Variants in MAP4 observed in about 807,000 individuals in gnomAD.
MAP4 encodes the protein microtubule-associated protein 4.
MAP4 carries 76 observed loss-of-function variants against 170.2 expected under a neutral mutation model. The ratio of observed to expected loss-of-function variants is 0.45; its 90% CI spans 0.37 to 0.54. The LOEUF (loss-of-function observed/expected upper bound fraction) is 0.54, where lower values mean the gene tolerates loss of function less well. Ranked by LOEUF, MAP4 falls within the 20% of genes least tolerant of loss-of-function variation. The probability of loss-of-function intolerance (pLI) is 0.00; values close to 1 mark genes in which losing one functional copy is unlikely to be tolerated. For missense variants in MAP4, 2,506 were observed against 2,748.0 expected, an observed-to-expected ratio of 0.91 and a Z score of 1.97; for synonymous variants, 909 against 994.5, an observed-to-expected ratio of 0.91 and a Z score of 1.62.
intron 2 of MAP4, among the ~76,000 whole-genome samples, chr3:47,994,148 T>C (rs1438401241): frequency 6.6e-6 from 1 of 152,158 alleles, no homozygotes. Flanking sequence ...TTCATTTTTC[T>C]TCATTTAATA....
chr3:47,857,546 A>G (rs2058657122), intron 17 of MAP4, 34 bp from the exon 18 acceptor site: 28 of 1,486,820 alleles, frequency 1.9e-5, no homozygotes, highest in Non-Finnish European at 2.5e-5. Flanking sequence ...TCATTCAGAG[A>G]GAAGGTATAC....
chr3:48,045,123 T>C (rs1276016797), intron 1 of MAP4, among the ~76,000 whole-genome samples: 2 of 150,814 alleles, frequency 1.3e-5, no homozygotes, highest in African/African-American at 4.9e-5. Flanking sequence ...TCAGGCATGG[T>C]GGTGCATGCC....
chr3:47,892,666 T>TGAAA (rs546648833), intron 10 of MAP4: 135 of 1,359,638 alleles, frequency 9.9e-5, no homozygotes, highest in East Asian at 3.3e-4. Flanking sequence ...CTTACAAATG[T>TGAAA]GAAAGAAAGA....
intron 5 of MAP4, 23 bp from the exon 6 acceptor site, chr3:47,918,864 T>TA (rs746373830): frequency 3.4e-5 from 54 of 1,597,244 alleles, no homozygotes; most frequent in Non-Finnish European, 4.6e-5. Context: ...CACAAACAAA[T>TA]ACATTTTGAA....
intron 1 of MAP4, among the ~76,000 whole-genome samples, chr3:48,054,065 A>C (rs1007055718): frequency 1.3e-5 from 2 of 151,812 alleles, no homozygotes; most frequent in Admixed American, 1.3e-4. Flanking sequence ...AAACTTTGGA[A>C]GGCCGAGGCA....
chr3:47,881,069 T>C (rs919899324), intron 10 of MAP4, among the ~76,000 whole-genome samples: 2 of 152,326 alleles, frequency 1.3e-5, no homozygotes, highest in South Asian at 2.1e-4. Context: ...TTGGTGTGTA[T>C]ACATTTAGAA....
chr3:47,919,642 G>T (rs923160723), intron 5 of MAP4, among the ~76,000 whole-genome samples: 1 of 152,170 alleles, frequency 6.6e-6, no homozygotes, highest in Non-Finnish European at 1.5e-5. Flanking sequence ...AAACACTGCT[G>T]ACATTCTTCA....
At chr3:47,989,899 A>C (rs896363472) in intron 2 of MAP4, among the ~76,000 whole-genome samples, 1 of 151,942 alleles carries the variant, frequency 6.6e-6, no homozygotes, top group Non-Finnish European at 1.5e-5. Flanking sequence ...CGAAAATAGC[A>C]CACTTTTTTT....
At chr3:47,924,628 C>A (rs926686169) in intron 4 of MAP4, among the ~76,000 whole-genome samples, 1 of 152,136 alleles carries the variant, frequency 6.6e-6, no homozygotes, top group African/African-American at 2.4e-5. Flanking sequence ...CACAAGGTTG[C>A]AGTCCAGCGG....
chr3:47,971,636 G>A (rs1041482533), intron 3 of MAP4, among the ~76,000 whole-genome samples: 2 of 152,148 alleles, frequency 1.3e-5, no homozygotes, highest in Admixed American at 6.5e-5. Flanking sequence ...ATAAATAAGA[G>A]TAATTTACCT....
chr3:48,023,359 T>C (rs2100111497), intron 1 of MAP4, among the ~76,000 whole-genome samples: 1 of 152,178 alleles, frequency 6.6e-6, no homozygotes, highest in African/African-American at 2.4e-5. Flanking sequence ...GAAGGATATT[T>C]TGTATTTACA....
intron 1 of MAP4, among the ~76,000 whole-genome samples, chr3:48,033,854 C>G (rs913260479): frequency 1.3e-5 from 2 of 152,162 alleles, no homozygotes; most frequent in Non-Finnish European, 2.9e-5. Context: ...CTGCCCGCCT[C>G]AACCTCCCAA....
Position 48,008,063 on chromosome 3 carries a change from T to C in MAP4, c.-20+8271A>G, listed in dbSNP as rs1258174725. 6.6e-5 allele frequency among the ~76,000 whole-genome samples: 10 copies of C among 152,350 alleles called. No individual in the cohort carries two copies. In the East Asian group the frequency reaches 1.9e-3, roughly 29 times the overall value. On this transcript the variant is annotated intron_variant, in intron 1 of 20. Coordinates refer to ENST00000683076, the MANE Select transcript of MAP4 (RefSeq NM_001385682.1). The stretch of plus-strand genomic sequence containing the variant: ...GCGACCTGAACTGCCCTGCCTATCA[T>C]GAGCTGGGTGCTTTCAGACCCATCT...
chr3:48,028,530 T>C (rs2100114241), intron 1 of MAP4, among the ~76,000 whole-genome samples: 1 of 151,694 alleles, frequency 6.6e-6, no homozygotes, highest in African/African-American at 2.4e-5. Context: ...ATCCCAGCAC[T>C]TTGGGAGGGT....
At chr3:47,893,036 A>C (rs898123999) in intron 10 of MAP4, among the ~76,000 whole-genome samples, 10 of 151,922 alleles carry the variant, frequency 6.6e-5, no homozygotes, top group Non-Finnish European at 4.4e-5. Flanking sequence ...TAAAAAAAAA[A>C]AAAAAAAACC....
At chr3:48,037,174 T>C (rs575793884) in intron 1 of MAP4, among the ~76,000 whole-genome samples, 3 of 152,234 alleles carry the variant, frequency 2.0e-5, no homozygotes, top group South Asian at 2.1e-4. Context: ...CCTCCAAGAA[T>C]AGGAAAAGCT....
chr3:47,973,269 AAAAG>A, intron 3 of MAP4: 2 of 985,246 alleles, frequency 2.0e-6, no homozygotes, highest in South Asian at 4.7e-5. Flanking sequence ...AAAGGAAAAA[AAAAG>A]AGAGAGAGAA....
At chr3:47,872,440 C>T (rs2093694182) in intron 12 of MAP4, among the ~76,000 whole-genome samples, 1 of 152,212 alleles carries the variant, frequency 6.6e-6, no homozygotes, top group Admixed American at 6.5e-5. Context: ...GCCTCAGCCT[C>T]CCAAAGTGCT....
chr3:47,989,677 G>A (rs923438154), intron 2 of MAP4, among the ~76,000 whole-genome samples: 2 of 152,026 alleles, frequency 1.3e-5, no homozygotes, highest in Admixed American at 6.5e-5. Flanking sequence ...TAAAAACAAC[G>A]TAACAACACT....
Sources: allele counts gnomAD v4.1 joint callset (sites outside exome capture counted in the v4.1 genomes callset), GRCh38; gene constraint gnomAD v4.1.1; transcripts MANE v1.5; gene names NCBI Gene and HGNC (gene_info 2026-07-23, HGNC 2026-07-21).